PAPSS2: variants seen among roughly 807,000 people sequenced by gnomAD.
The protein encoded by PAPSS2 is bifunctional 3'-phosphoadenosine 5'-phosphosulfate synthase 2.
Under a neutral mutation model 66.5 loss-of-function variants are expected in PAPSS2, and 61 were observed. That is an observed-to-expected ratio of 0.92 (90% CI 0.75 to 1.14). The LOEUF is 1.14. PAPSS2 is among the 50% of genes most tolerant of loss of function. The probability of loss-of-function intolerance (pLI) is 0.00; values close to 1 mark genes in which losing one functional copy is unlikely to be tolerated. For missense variants in PAPSS2, 708 were observed against 789.6 expected, an observed-to-expected ratio of 0.90 and a Z score of 1.24; for synonymous variants, 289 against 287.5, an observed-to-expected ratio of 1.01 and a Z score of -0.05.
chr10:87,671,210 G>A (rs941509448), intron 1 of PAPSS2, among the ~76,000 whole-genome samples: 2 of 151,766 alleles, frequency 1.3e-5, no homozygotes, highest in East Asian at 1.9e-4. Context: ...AACATATAAT[G>A]GATACTATGA....
rs66686947 is a variant in PAPSS2 at position 87,734,663 on chromosome 10, G to GTATATA, written c.1087-6534_1087-6529dup. Among the ~76,000 whole-genome samples, 550 of 80,878 alleles carry GTATATA rather than the reference G, an allele frequency of 6.8e-3. 7 individuals carry two copies. The highest frequency in any genetic ancestry group is 0.014 in the Middle Eastern group (2 of 138). 53.1% of individuals were successfully genotyped at this position (80,878 alleles called of 152,430 possible). ...TGATAGCACAGAAATGAATGTGTGT[G>GTATATA]TATATATATATATATATATATATAT... On this transcript the variant is annotated intron_variant, in intron 9 of 12. Transcript: ENST00000456849.
chr10:87,743,309 G>C, intron 10 of PAPSS2, 64 bp from the exon 11 acceptor site: 3 of 1,489,232 alleles, frequency 2.0e-6, no homozygotes, highest in South Asian at 2.3e-5. Context: ...TGTCCTTTCT[G>C]TTCTTGTGGA....
chr10:87,731,754 GA>G (rs1853732458), intron 9 of PAPSS2, among the ~76,000 whole-genome samples: 1 of 152,194 alleles, frequency 6.6e-6, no homozygotes, highest in Non-Finnish European at 1.5e-5. Flanking sequence ...AAGAGAACTA[GA>G]ATTAGAAGTG....
In PAPSS2 at chr10:87,734,681, A is replaced by G. The variant is rs1435361473; in HGVS notation, c.1087-6554A>G. ...TGTGTGTGTATATATATATATATAT[A>G]TATATATATATATATATATATATAT... is the stretch of plus-strand genomic sequence containing the variant. On this transcript the variant is annotated intron_variant, in intron 9 of 12. Coordinates refer to ENST00000456849, the MANE Select transcript of PAPSS2 (RefSeq NM_001015880.2). 1.0e-3 allele frequency among the ~76,000 whole-genome samples: 128 copies of G among 122,462 alleles called. 9 individuals are homozygous for G. Among genetic ancestry groups the G allele is most frequent in the African/African-American group, 3.8e-3 (118 of 31,440 alleles). The allele number at this position is 122,462 out of a possible 152,430, so 80.3% of individuals were successfully genotyped here.
Position 87,701,368 on chromosome 10 carries a change from CTT to C in PAPSS2, c.28-7826_28-7825del, listed in dbSNP as rs1393262757. 9.6e-4 allele frequency among the ~76,000 whole-genome samples: 95 copies of C among 99,090 alleles called. 1 individual carries two copies. Among genetic ancestry groups the C allele is most frequent in the African/African-American group, 3.8e-3 (83 of 21,992 alleles). 65.0% of individuals were successfully genotyped at this position (99,090 alleles called of 152,430 possible). A position where few individuals can be genotyped will look rare whatever the true frequency, so the allele number is the denominator to read the frequency against. On this transcript the variant is annotated intron_variant, in intron 1 of 12. Coordinates refer to ENST00000456849, the MANE Select transcript of PAPSS2 (RefSeq NM_001015880.2). ...TCTTTCTTTCTTTCTTTCTTTCTTT[CTT>C]TCTTTCTTTCTTTCTTTCTTTCTTT... is the stretch of plus-strand genomic sequence containing the variant.
At chr10:87,701,255 C>CT (rs1383631865) in intron 1 of PAPSS2, among the ~76,000 whole-genome samples, 22 of 136,922 alleles carry the variant, frequency 1.6e-4, no homozygotes, top group African/African-American at 5.6e-4. Flanking sequence ...TTTTTTCTTT[C>CT]TTTCTTCCTT....
chr10:87,663,106 CT>C (rs1184871976), intron 1 of PAPSS2, among the ~76,000 whole-genome samples: 1,440 of 67,478 alleles, frequency 0.021, 5 homozygotes, highest in African/African-American at 0.062. Context: ...GAAGTAGCCA[CT>C]TTTTTTTTTT....
intron 11 of PAPSS2, among the ~76,000 whole-genome samples, chr10:87,744,259 G>A (rs554184597): frequency 1.6e-4 from 25 of 152,312 alleles, no homozygotes; most frequent in Non-Finnish European, 3.1e-4. Context: ...AGAAGTTCCA[G>A]TTACTCTCCA....
intron 1 of PAPSS2, among the ~76,000 whole-genome samples, chr10:87,690,087 G>A (rs952029030): frequency 2.6e-5 from 4 of 152,084 alleles, no homozygotes; most frequent in African/African-American, 4.8e-5. Flanking sequence ...AGTAATCCAC[G>A]TCTAGCAATT....
chr10:87,723,692 G>T (rs1348097084), intron 8 of PAPSS2, among the ~76,000 whole-genome samples: 2 of 152,066 alleles, frequency 1.3e-5, no homozygotes, highest in African/African-American at 4.8e-5. Flanking sequence ...TCTATTTCCG[G>T]TGACATTCTT....
chr10:87,718,566 T>C (rs1166911241), intron 7 of PAPSS2, among the ~76,000 whole-genome samples: 1 of 152,090 alleles, frequency 6.6e-6, no homozygotes, highest in Non-Finnish European at 1.5e-5. Context: ...TTTTTGGGAG[T>C]CCCCAAGGGG....
chr10:87,676,449 A>G (rs1249893927), intron 1 of PAPSS2, among the ~76,000 whole-genome samples: 1 of 152,198 alleles, frequency 6.6e-6, no homozygotes, highest in Non-Finnish European at 1.5e-5. Flanking sequence ...GTGTAATTCT[A>G]GCATTTCTGG....
At chr10:87,709,986 A>G (rs1016630585) in intron 2 of PAPSS2, among the ~76,000 whole-genome samples, 2 of 152,162 alleles carry the variant, frequency 1.3e-5, no homozygotes, top group South Asian at 2.1e-4. Flanking sequence ...CTGACTCCCA[A>G]TAGCTGGCCC....
At chr10:87,730,280 G>C (rs998727158) in intron 9 of PAPSS2, among the ~76,000 whole-genome samples, 1 of 152,196 alleles carries the variant, frequency 6.6e-6, no homozygotes, top group Non-Finnish European at 1.5e-5. Flanking sequence ...TTACCCCGAT[G>C]GGGTAGAGAA....
At chr10:87,719,691 G>A (rs1270786395) in intron 7 of PAPSS2, among the ~76,000 whole-genome samples, 5 of 152,056 alleles carry the variant, frequency 3.3e-5, no homozygotes, top group African/African-American at 9.7e-5. Context: ...TACGATGTTC[G>A]TCAGCTAGCC....
In PAPSS2 at chr10:87,660,877, T is replaced by G. The variant is rs1029179405; in HGVS notation, c.27+869T>G. 5.1e-5 allele frequency: 20 copies of G among 390,608 alleles called. 1 individual carries two copies. The Admixed American group carries it at 5.2e-4, about 10-fold the overall frequency. 24.2% of individuals were successfully genotyped at this position (390,608 alleles called of 1,614,324 possible). A position where few individuals can be genotyped will look rare whatever the true frequency, so the allele number is the denominator to read the frequency against. On this transcript the variant is annotated intron_variant, in intron 1 of 12. Coordinates refer to ENST00000456849, the MANE Select transcript of PAPSS2 (RefSeq NM_001015880.2). ...AGACTCTTAGAGTTGGATGGCGCCT[T>G]CTAGACAGCACTGGGGCCACGTCAG... is the stretch of plus-strand genomic sequence containing the variant.
At chr10:87,664,201 C>T (rs1185121826) in intron 1 of PAPSS2, among the ~76,000 whole-genome samples, 1 of 152,180 alleles carries the variant, frequency 6.6e-6, no homozygotes, top group African/African-American at 2.4e-5. Flanking sequence ...GGATTGCAGG[C>T]TTGAGCCACT....
intron 9 of PAPSS2, among the ~76,000 whole-genome samples, chr10:87,736,661 C>T (rs1853805429): frequency 1.3e-5 from 2 of 152,182 alleles, no homozygotes; most frequent in East Asian, 1.9e-4. Context: ...GAGAGCCATA[C>T]ATCATATTTA....
intron 2 of PAPSS2, among the ~76,000 whole-genome samples, chr10:87,712,082 C>T (rs933136419): frequency 2.0e-5 from 3 of 152,102 alleles, no homozygotes; most frequent in African/African-American, 7.2e-5. Flanking sequence ...TGTTCCTGAT[C>T]ATTGTGCTTT....
Sources: allele counts gnomAD v4.1 joint callset (sites outside exome capture counted in the v4.1 genomes callset), GRCh38; gene constraint gnomAD v4.1.1; transcripts MANE v1.5; gene names NCBI Gene and HGNC (gene_info 2026-07-23, HGNC 2026-07-21).